TMPRSS4: variants seen among roughly 807,000 people sequenced by gnomAD.
TMPRSS4 encodes the protein transmembrane serine protease 4.
Under a neutral mutation model 56.4 loss-of-function variants are expected in TMPRSS4, and 45 were observed. The ratio of observed to expected loss-of-function variants is 0.80; its 90% confidence interval spans 0.63 to 1.02. The LOEUF is 1.02. Among genes scored for constraint, TMPRSS4 ranks in the 50% least tolerant of loss-of-function variants. TMPRSS4 has a pLI of 0.00. For missense variants in TMPRSS4, 546 were observed against 556.7 expected, an observed-to-expected ratio of 0.98 and a Z score of 0.19; for synonymous variants, 205 against 211.0, an observed-to-expected ratio of 0.97 and a Z score of 0.25.
chr11:118,077,262 G>T lies in TMPRSS4; in HGVS notation c.-41G>T. ...CTGCTGCCTTGGGGTGACAATCTCA[G>T]CTCCAGGCTACAGGGAGACCGGGAG... On this transcript the variant is annotated 5_prime_UTR_variant, in exon 1 of 13. Transcript: ENST00000437212. 6.3e-7 allele frequency: 1 copy of T among 1,593,390 alleles called. No individual in the cohort carries two copies. The highest frequency in any genetic ancestry group is 8.5e-7 in the Non-Finnish European group (1 of 1,169,896).
At chr11:118,100,066 G>A (rs1946659817) in intron 3 of TMPRSS4, among the ~76,000 whole-genome samples, 1 of 152,114 alleles carries the variant, frequency 6.6e-6, no homozygotes, top group Non-Finnish European at 1.5e-5. Flanking sequence ...TAGGAATCAG[G>A]ACACCCGAGA....
At chr11:118,116,714 G>GTTTTT (rs1947569705) in intron 11 of TMPRSS4, among the ~76,000 whole-genome samples, 21 of 87,320 alleles carry the variant, frequency 2.4e-4, no homozygotes, top group East Asian at 5.4e-4. Context: ...TGATAACCAG[G>GTTTTT]CTTTTTTTTT....
At chr11:118,114,954 G>T (rs756352743) in intron 10 of TMPRSS4, 27 bp downstream of exon 10, 1 of 1,577,656 alleles carries the variant, frequency 6.3e-7, no homozygotes, top group South Asian at 1.2e-5. Flanking sequence ...GGACCACAGG[G>T]CAGGAGATGC....
chr11:118,096,927 A>AG lies in TMPRSS4; in HGVS notation c.44-2057dup, dbSNP rs57784781. On this transcript the variant is annotated intron_variant, in intron 2 of 12. Coordinates refer to ENST00000437212, the MANE Select transcript of TMPRSS4 (RefSeq NM_019894.4). ...AGAAAGAAAGGGAGAGAGAAAGGAA[A>AG]GAAAGAAAGAGAAAGAAAGAAAGGA... Among the ~76,000 whole-genome samples the AG allele has an allele frequency of 9.2e-3, 90 of 9,834 alleles. 2 individuals carry two copies. The highest frequency in any genetic ancestry group is 0.012 in the South Asian group (3 of 258). 6.5% of individuals were successfully genotyped at this position (9,834 alleles called of 152,430 possible).
chr11:118,108,564 C>T (rs1238551494), intron 6 of TMPRSS4: 3 of 448,640 alleles, frequency 6.7e-6, no homozygotes, highest in Non-Finnish European at 1.2e-5. Flanking sequence ...CTGTTCCGGG[C>T]TCTGTCCTCT....
rs575518517 is a variant in TMPRSS4, at chr11:118,119,628, C to A, written c.*1715C>A. On this transcript the variant is annotated 3_prime_UTR_variant, in exon 13 of 13. Coordinates refer to ENST00000437212, the MANE Select transcript of TMPRSS4 (RefSeq NM_019894.4). ...TGATTCATTTAATACTCACAGAAAT[C>A]TGTGAGATGGGTATTATTCTTATCC... The A allele has an allele frequency of 3.9e-5, 6 of 152,582 alleles. No individual in the cohort carries two copies. In the East Asian group the frequency reaches 9.6e-4, roughly 24 times the overall value. 9.5% of individuals were successfully genotyped at this position (152,582 alleles called of 1,614,324 possible).
At chr11:118,099,276 A>C (rs1591380616) in intron 3 of TMPRSS4, 178 bp downstream of exon 3, 6 of 422,800 alleles carry the variant, frequency 1.4e-5, no homozygotes, top group East Asian at 4.0e-5. Flanking sequence ...CGCCCCTCCC[A>C]TTATCACCTC....
intron 1 of TMPRSS4, chr11:118,086,707 C>G (rs908389624): frequency 6.5e-6 from 1 of 153,166 alleles, no homozygotes; most frequent in Non-Finnish European, 1.5e-5. Flanking sequence ...ACTCCCTCCT[C>G]TCCTGCCCCA....
intron 10 of TMPRSS4, 25 bp from the exon 11 acceptor site, chr11:118,115,113 A>C: frequency 6.2e-7 from 1 of 1,604,240 alleles, no homozygotes; most frequent in Non-Finnish European, 8.5e-7. Context: ...CAAGGATGGG[A>C]ATGTGAGTGT....
At chr11:118,096,278 C>T (rs142904119) in intron 2 of TMPRSS4, among the ~76,000 whole-genome samples, 54 of 152,352 alleles carry the variant, frequency 3.5e-4, no homozygotes, top group African/African-American at 1.2e-3. Context: ...ATCCCCACTG[C>T]GTGGCCTCTG....
At chr11:118,095,131 C>A in intron 2 of TMPRSS4, 1 of 474,168 alleles carries the variant, frequency 2.1e-6, no homozygotes, top group Non-Finnish European at 3.9e-6. Context: ...CTTATCCTTT[C>A]AGTAAAACTG....
intron 5 of TMPRSS4, 81 bp from the exon 6 acceptor site, chr11:118,107,693 T>C (rs1947062247): frequency 8.1e-7 from 1 of 1,237,346 alleles, no homozygotes. Context: ...CTCTTTCTCC[T>C]GAAAGTGGGG....
At chr11:118,102,967 C>T in intron 3 of TMPRSS4, 134 bp from the exon 4 acceptor site, 3 of 1,203,970 alleles carry the variant, frequency 2.5e-6, no homozygotes, top group Non-Finnish European at 3.5e-6. Flanking sequence ...TGTGTGCTAC[C>T]AAGTAGCAAA....
rs767682343 is a variant in TMPRSS4 at position 118,103,094 on chromosome 11, C to T, written c.158-7C>T. On this transcript the variant is annotated splice_region_variant and splice_polypyrimidine_tract_variant and intron_variant, in intron 3 of 12. Transcript: ENST00000437212. ...CCTCTCTGCCTCTCCCTGCACTTGC[C>T]TTCCAGTCAAGGTGATTCTGGATAA... 4 of 1,613,876 alleles carry T rather than the reference C, an allele frequency of 2.5e-6. No individual in the cohort carries two copies. The highest frequency in any genetic ancestry group is 3.4e-6 in the Non-Finnish European group (4 of 1,179,952).
intron 2 of TMPRSS4, among the ~76,000 whole-genome samples, chr11:118,097,926 A>T (rs1455123220): frequency 6.6e-6 from 1 of 152,144 alleles, no homozygotes; most frequent in Non-Finnish European, 1.5e-5. Context: ...ATGCACCACC[A>T]TGCTGGCTAA....
intron 1 of TMPRSS4, among the ~76,000 whole-genome samples, chr11:118,092,783 A>C (rs1946051894): frequency 6.6e-6 from 1 of 152,242 alleles, no homozygotes; most frequent in African/African-American, 2.4e-5. Flanking sequence ...TGGAGGTTAG[A>C]AGCAAGATGG....
intron 3 of TMPRSS4, among the ~76,000 whole-genome samples, chr11:118,100,628 C>T (rs188561648): frequency 9.4e-4 from 143 of 152,332 alleles, no homozygotes; most frequent in African/African-American, 3.3e-3. Flanking sequence ...CCCAAACCCT[C>T]TCTCCTTGAC....
chr11:118,104,724 T>G lies in TMPRSS4; in HGVS notation c.344T>G (p.Val115Gly), dbSNP rs1946902882. ...RLSKDRSTLQ[V>G]LDSATGNWFS... Reference sequence around the variant, plus strand: ...TCCAAGGACCGATCCACACTGCAGGTGCTGGACTCGGCCACAGGGAACTGG... The same window carrying G: ...TCCAAGGACCGATCCACACTGCAGGGGCTGGACTCGGCCACAGGGAACTGG... The change falls in exon 5 of 13, where the codon GTG becomes GGG. Residue 115 changes from valine to glycine, a missense_variant. Coordinates refer to ENST00000437212, the MANE Select transcript of TMPRSS4 (RefSeq NM_019894.4). The G allele has an allele frequency of 1.2e-6, 2 of 1,614,070 alleles. No individual in the cohort carries two copies. The highest frequency in any genetic ancestry group is 1.7e-6 in the Non-Finnish European group (2 of 1,180,028).
chr11:118,085,404 T>C (rs1379876045), intron 1 of TMPRSS4, among the ~76,000 whole-genome samples: 3 of 152,026 alleles, frequency 2.0e-5, no homozygotes, highest in Admixed American at 1.3e-4. Flanking sequence ...TTTGTATTTT[T>C]AGTAGAGATG....
Sources: gnomAD v4.1 joint callset for allele counts (sites outside exome capture counted in the v4.1 genomes callset) on GRCh38, gnomAD v4.1.1 for gene constraint, MANE v1.5 for transcripts, NCBI Gene and HGNC (gene_info 2026-07-23, HGNC 2026-07-21) for gene names.